The following PABPC1L2A variants were observed in gnomAD, a reference collection of about 807,000 sequenced individuals.
PABPC1L2A encodes the protein polyadenylate-binding protein 1-like 2.
In PABPC1L2A at chrX:73,079,072, C is replaced by A; in HGVS notation, c.315G>T (p.Ala105=). 3 of 128,939 alleles carry A rather than the reference C, an allele frequency of 2.3e-5. No homozygotes were observed. Among genetic ancestry groups the A allele is most frequent in the Non-Finnish European group, 4.5e-5 (3 of 66,025 alleles). The allele number at this position is 128,939 out of a possible 1,213,427, so 10.6% of individuals were successfully genotyped here. ...KNLGKTIDNK[A]LYNIFSAFGN... ...CGAACGCCGAGAAGATGTTGTACAG[C>A]GCCTTGTTGTCGATGGTCTTGCCCA... Residue 105 remains alanine (A), a synonymous_variant, in exon 1 of 1, where the codon GCG becomes GCT. Coordinates refer to ENST00000373519, the MANE Select transcript of PABPC1L2A (RefSeq NM_001012977.3).
At position 73,077,965 on chromosome X, in the gene PABPC1L2A, T is replaced by A; in HGVS notation, c.*819A>T. 1 of 120,787 alleles carries A rather than the reference T, an allele frequency of 8.3e-6. No homozygotes were observed. Among genetic ancestry groups the A allele is most frequent in the East Asian group, 2.9e-4 (1 of 3,392 alleles). 10.0% of individuals were successfully genotyped at this position (120,787 alleles called of 1,213,427 possible). ...GAGACCACCGGGATGCTAGCAAAGA[T>A]TTGGCTTGACAAGGAAGGATTCACT... On this transcript the variant is annotated 3_prime_UTR_variant, in exon 1 of 1. Transcript: ENST00000373519.
In PABPC1L2A at chrX:73,079,459, C is replaced by G. The variant is rs2055555700; in HGVS notation, c.-73G>C. 5 of 1,012,104 alleles carry G rather than the reference C, an allele frequency of 4.9e-6. No individual in the cohort carries two copies. In the African/African-American group the frequency reaches 5.6e-5, roughly 11 times the overall value. 83.4% of individuals were successfully genotyped at this position (1,012,104 alleles called of 1,213,427 possible). A position where few individuals can be genotyped will look rare whatever the true frequency, so the allele number is the denominator to read the frequency against. On this transcript the variant is annotated 5_prime_UTR_variant, in exon 1 of 1. Transcript: ENST00000373519. ...CTGCATCCGCGGCGGCCGCCGCAGC[C>G]GCCACCTCGGCCGCCACCTCGGCCG...
At position 73,077,511 on chromosome X, in the gene PABPC1L2A, A is replaced by G. The variant is rs1347186618; in HGVS notation, c.*1273T>C. ...ATGTTTCTGGAATGTGTGTGTAATC[A>G]TCAGAAATGATTACTGGTGACTTTA... is the stretch of plus-strand genomic sequence containing the variant. On this transcript the variant is annotated 3_prime_UTR_variant, in exon 1 of 1. Transcript: ENST00000373519. 8.4e-6 allele frequency: 1 copy of G among 119,296 alleles called. No homozygotes were observed. The highest frequency in any genetic ancestry group is 9.5e-5 in the Admixed American group (1 of 10,518). 9.8% of individuals were successfully genotyped at this position (119,296 alleles called of 1,213,427 possible).
rs1227334472 is a variant in PABPC1L2A at position 73,077,811 on chromosome X, A to G, written c.*973T>C. 8.2e-6 allele frequency: 1 copy of G among 121,468 alleles called. No individual in the cohort carries two copies. The highest frequency in any genetic ancestry group is 1.9e-5 in the Non-Finnish European group (1 of 52,877). The allele number at this position is 121,468 out of a possible 1,213,427, so 10.0% of individuals were successfully genotyped here. A position where few individuals can be genotyped will look rare whatever the true frequency, so the allele number is the denominator to read the frequency against. ...GAGACTATGCAGGGGAAACGGGCATACTCTTTACTAGCTGCGCTGGCCGGC... is the reference window on the plus strand; with the variant it reads ...GAGACTATGCAGGGGAAACGGGCATGCTCTTTACTAGCTGCGCTGGCCGGC... On this transcript the variant is annotated 3_prime_UTR_variant, in exon 1 of 1. Coordinates refer to ENST00000373519, the MANE Select transcript of PABPC1L2A (RefSeq NM_001012977.3).
chrX:73,077,629 G>C lies in PABPC1L2A; in HGVS notation c.*1155C>G, dbSNP rs1556385369. On this transcript the variant is annotated 3_prime_UTR_variant, in exon 1 of 1. Transcript: ENST00000373519. The stretch of plus-strand genomic sequence containing the variant: ...GACAACAGGGAAAAGGACAGGAAGA[G>C]GGCACAGGGGAATGGGGTCATAAGC... 1 of 121,086 alleles carries C rather than the reference G, an allele frequency of 8.3e-6. No individual in the cohort carries two copies. The highest frequency in any genetic ancestry group is 2.9e-4 in the East Asian group (1 of 3,504). The allele number at this position is 121,086 out of a possible 1,213,427, so 10.0% of individuals were successfully genotyped here. A position where few individuals can be genotyped will look rare whatever the true frequency, so the allele number is the denominator to read the frequency against.
In PABPC1L2A at chrX:73,077,491, T is replaced by C. The variant is rs150942695; in HGVS notation, c.*1293A>G. On this transcript the variant is annotated 3_prime_UTR_variant, in exon 1 of 1. Transcript: ENST00000373519. ...TCAGAGAGGTGTGCATGAAAATGTT[T>C]CTGGAATGTGTGTGTAATCATCAGA... 2.8e-3 allele frequency: 331 copies of C among 117,223 alleles called. 2 individuals carry two copies. The highest frequency in any genetic ancestry group is 3.9e-3 in the Non-Finnish European group (206 of 53,142). 9.7% of individuals were successfully genotyped at this position (117,223 alleles called of 1,213,427 possible).
chrX:73,077,737 A>ACT lies in PABPC1L2A; in HGVS notation c.*1046_*1047insAG, dbSNP rs1324193773. 4.2e-5 allele frequency: 5 copies of ACT among 120,014 alleles called. No individual in the cohort carries two copies. The highest frequency in any genetic ancestry group is 1.7e-4 in the African/African-American group (5 of 28,818). 9.9% of individuals were successfully genotyped at this position (120,014 alleles called of 1,213,427 possible). ...AGCTGGCCAAGACACACACACACACACACACACACACACACGCACGCACAC... is the reference window on the plus strand; with the variant it reads ...AGCTGGCCAAGACACACACACACACACTCACACACACACACACGCACGCACAC... On this transcript the variant is annotated 3_prime_UTR_variant, in exon 1 of 1. Coordinates refer to ENST00000373519, the MANE Select transcript of PABPC1L2A (RefSeq NM_001012977.3).
chrX:73,077,524 A>C lies in PABPC1L2A; in HGVS notation c.*1260T>G, dbSNP rs2055544929. Reference sequence around the variant, plus strand: ...GTGTGTGTAATCATCAGAAATGATTACTGGTGACTTTAATTTTCTTCTGGT... The same window carrying C: ...GTGTGTGTAATCATCAGAAATGATTCCTGGTGACTTTAATTTTCTTCTGGT... On this transcript the variant is annotated 3_prime_UTR_variant, in exon 1 of 1. Transcript: ENST00000373519. 8.3e-6 allele frequency: 1 copy of C among 120,410 alleles called. No homozygotes were observed. Among genetic ancestry groups the C allele is most frequent in the African/African-American group, 3.3e-5 (1 of 30,606 alleles). 9.9% of individuals were successfully genotyped at this position (120,410 alleles called of 1,213,427 possible).
chrX:73,077,677 A>G lies in PABPC1L2A; in HGVS notation c.*1107T>C, dbSNP rs1258907366. ...AGCAGTGTTTGTTTCCAGCAAAACT[A>G]CCGAGGACAGCGAAACACCCTTTGT... is the stretch of plus-strand genomic sequence containing the variant. On this transcript the variant is annotated 3_prime_UTR_variant, in exon 1 of 1. Transcript: ENST00000373519. 2.5e-5 allele frequency: 3 copies of G among 120,440 alleles called. No homozygotes were observed. The highest frequency in any genetic ancestry group is 6.7e-5 in the African/African-American group (2 of 29,844). The allele number at this position is 120,440 out of a possible 1,213,427, so 9.9% of individuals were successfully genotyped here.
In PABPC1L2A at chrX:73,077,319, T is replaced by C. The variant is rs782432066; in HGVS notation, c.*1465A>G. On this transcript the variant is annotated 3_prime_UTR_variant, in exon 1 of 1. Coordinates refer to ENST00000373519, the MANE Select transcript of PABPC1L2A (RefSeq NM_001012977.3). ...AATGACATGAAATGAAGTTCAAGAA[T>C]ATGTGTGTGTATAAATATACACACA... 3.1e-4 allele frequency: 35 copies of C among 111,471 alleles called. No individual in the cohort carries two copies. The highest frequency in any genetic ancestry group is 1.1e-3 in the African/African-American group (35 of 30,700). 9.2% of individuals were successfully genotyped at this position (111,471 alleles called of 1,213,427 possible). A position where few individuals can be genotyped will look rare whatever the true frequency, so the allele number is the denominator to read the frequency against.
At position 73,079,444 on chromosome X, in the gene PABPC1L2A, G is replaced by C. The variant is rs1427484741; in HGVS notation, c.-58C>G. The C allele has an allele frequency of 2.9e-5, 29 of 984,548 alleles. No homozygotes were observed. Among genetic ancestry groups the C allele is most frequent in the Non-Finnish European group, 3.7e-5 (28 of 747,936 alleles). The allele number at this position is 984,548 out of a possible 1,213,427, so 81.1% of individuals were successfully genotyped here. A position where few individuals can be genotyped will look rare whatever the true frequency, so the allele number is the denominator to read the frequency against. ...GGGTCTCATCCGCATCTGCATCCGC[G>C]GCGGCCGCCGCAGCCGCCACCTCGG... On this transcript the variant is annotated 5_prime_UTR_variant, in exon 1 of 1. Coordinates refer to ENST00000373519, the MANE Select transcript of PABPC1L2A (RefSeq NM_001012977.3).
In PABPC1L2A at chrX:73,077,856, A is replaced by G. The variant is rs1394420350; in HGVS notation, c.*928T>C. The G allele has an allele frequency of 8.2e-6, 1 of 122,101 alleles. No individual in the cohort carries two copies. Among genetic ancestry groups the G allele is most frequent in the African/African-American group, 3.3e-5 (1 of 30,319 alleles). The allele number at this position is 122,101 out of a possible 1,213,427, so 10.1% of individuals were successfully genotyped here. On this transcript the variant is annotated 3_prime_UTR_variant, in exon 1 of 1. Coordinates refer to ENST00000373519, the MANE Select transcript of PABPC1L2A (RefSeq NM_001012977.3). ...GCCGGCACGAGTGCAAATCGGTACA[A>G]TGCTTATGAAGGGGGCCTTTTGGCA...
In PABPC1L2A at chrX:73,077,590, TGAATTA is replaced by T. The variant is rs1556385350; in HGVS notation, c.*1188_*1193del. On this transcript the variant is annotated 3_prime_UTR_variant, in exon 1 of 1. Transcript: ENST00000373519. ...TGATTTTTTTTTCTTGCAATGACGC[TGAATTA>T]CTTTTCTGACAACAGGGAAAAGGAC... 1.5e-4 allele frequency: 18 copies of T among 121,119 alleles called. No homozygotes were observed. In the East Asian group the frequency reaches 4.5e-3, roughly 31 times the overall value. 10.0% of individuals were successfully genotyped at this position (121,119 alleles called of 1,213,427 possible).
Position 73,077,422 on chromosome X carries a change from A to T in PABPC1L2A, c.*1362T>A, listed in dbSNP as rs1222145761. ...TATATGATATATGCATAAGAAAAAA[A>T]CTAGACCTACAGACAAAAATGTTTC... On this transcript the variant is annotated 3_prime_UTR_variant, in exon 1 of 1. Transcript: ENST00000373519. The T allele has an allele frequency of 4.5e-5, 5 of 111,879 alleles. No homozygotes were observed. The highest frequency in any genetic ancestry group is 9.4e-5 in the Non-Finnish European group (5 of 53,134). 9.2% of individuals were successfully genotyped at this position (111,879 alleles called of 1,213,427 possible). A position where few individuals can be genotyped will look rare whatever the true frequency, so the allele number is the denominator to read the frequency against.
rs1425079952 is a variant in PABPC1L2A, at chrX:73,077,372, AAC to A, written c.*1410_*1411del. 2.7e-5 allele frequency: 3 copies of A among 111,390 alleles called. No homozygotes were observed. Among genetic ancestry groups the A allele is most frequent in the South Asian group, 7.6e-4 (2 of 2,639 alleles). The allele number at this position is 111,390 out of a possible 1,213,427, so 9.2% of individuals were successfully genotyped here. Reference sequence around the variant, plus strand: ...TGTATGTGTGAAAAGCAGATATAAAAACAGTCTGTACATCATAATATACATAT... The same window carrying A: ...TGTATGTGTGAAAAGCAGATATAAAAAGTCTGTACATCATAATATACATAT... On this transcript the variant is annotated 3_prime_UTR_variant, in exon 1 of 1. Coordinates refer to ENST00000373519, the MANE Select transcript of PABPC1L2A (RefSeq NM_001012977.3).
In PABPC1L2A at chrX:73,077,666, C is replaced by G. The variant is rs1204217500; in HGVS notation, c.*1118G>C. ...ATGGGGTCATAAGCAGTGTTTGTTT[C>G]CAGCAAAACTACCGAGGACAGCGAA... On this transcript the variant is annotated 3_prime_UTR_variant, in exon 1 of 1. Coordinates refer to ENST00000373519, the MANE Select transcript of PABPC1L2A (RefSeq NM_001012977.3). 1 of 120,168 alleles carries G rather than the reference C, an allele frequency of 8.3e-6. No individual in the cohort carries two copies. Among genetic ancestry groups the G allele is most frequent in the Non-Finnish European group, 1.9e-5 (1 of 52,729 alleles). 9.9% of individuals were successfully genotyped at this position (120,168 alleles called of 1,213,427 possible).
rs2055544365 is a variant in PABPC1L2A, at chrX:73,077,472, A to G, written c.*1312T>C. ...CAGGTAGTTCTAGAAAATATCAGAG[A>G]GGTGTGCATGAAAATGTTTCTGGAA... On this transcript the variant is annotated 3_prime_UTR_variant, in exon 1 of 1. Coordinates refer to ENST00000373519, the MANE Select transcript of PABPC1L2A (RefSeq NM_001012977.3). The G allele has an allele frequency of 1.7e-5, 2 of 114,833 alleles. No individual in the cohort carries two copies. The highest frequency in any genetic ancestry group is 6.5e-5 in the African/African-American group (2 of 30,590). 9.5% of individuals were successfully genotyped at this position (114,833 alleles called of 1,213,427 possible).
At position 73,079,490 on chromosome X, in the gene PABPC1L2A, TTCGCATC is replaced by T. The variant is rs2147931601; in HGVS notation, c.-111_-105del. The stretch of plus-strand genomic sequence containing the variant: ...CTCGGCCGCCACCTCGGCCGCCACC[TTCGCATC>T]CGCATCCGCATCCGCATCCGCCTCC... On this transcript the variant is annotated 5_prime_UTR_variant, in exon 1 of 1. The change abolishes an upstream ATG in the 5' untranslated region. Transcript: ENST00000373519. 9.7e-7 allele frequency: 1 copy of T among 1,029,815 alleles called. No homozygotes were observed. The highest frequency in any genetic ancestry group is 1.8e-5 in the African/African-American group (1 of 55,397). The allele number at this position is 1,029,815 out of a possible 1,213,427, so 84.9% of individuals were successfully genotyped here. A position where few individuals can be genotyped will look rare whatever the true frequency, so the allele number is the denominator to read the frequency against.
chrX:73,077,505 G>C lies in PABPC1L2A; in HGVS notation c.*1279C>G, dbSNP rs782042181. The C allele has an allele frequency of 1.8e-4, 21 of 118,693 alleles. No homozygotes were observed. Among genetic ancestry groups the C allele is most frequent in the African/African-American group, 6.8e-4 (21 of 30,659 alleles). 9.8% of individuals were successfully genotyped at this position (118,693 alleles called of 1,213,427 possible). The stretch of plus-strand genomic sequence containing the variant: ...ATGAAAATGTTTCTGGAATGTGTGT[G>C]TAATCATCAGAAATGATTACTGGTG... On this transcript the variant is annotated 3_prime_UTR_variant, in exon 1 of 1. Coordinates refer to ENST00000373519, the MANE Select transcript of PABPC1L2A (RefSeq NM_001012977.3).
Sources: gnomAD v4.1 joint callset for allele counts on GRCh38, gnomAD v4.1.1 for gene constraint, MANE v1.5 for transcripts, NCBI Gene and HGNC (gene_info 2026-07-23, HGNC 2026-07-21) for gene names.